The following FOXN3 variants were observed in gnomAD, a reference collection of about 807,000 sequenced individuals.
The protein encoded by FOXN3 is forkhead box N3.
In FOXN3, 7 loss-of-function variants were observed where a neutral mutation model predicts 38.4. That is an observed-to-expected ratio of 0.18 (90% confidence interval 0.10 to 0.34). The LOEUF (loss-of-function observed/expected upper bound fraction) is 0.34. Among genes scored for constraint, FOXN3 ranks in the 10% least tolerant of loss-of-function variants. The pLI, the probability that FOXN3 is intolerant of heterozygous loss-of-function variation, is 1.00. For synonymous variants in FOXN3, 230 were observed against 242.2 expected, an observed-to-expected ratio of 0.95 and a Z score of 0.47; for missense variants, 456 against 613.4, an observed-to-expected ratio of 0.74 and a Z score of 2.71.
At chr14:89,539,131 G>T (rs765327790) in intron 1 of FOXN3, among the ~76,000 whole-genome samples, 1 of 152,124 alleles carries the variant, frequency 6.6e-6, no homozygotes, top group Admixed American at 6.5e-5. Context: ...CGTGAGCCAC[G>T]TGCCTGGCCA....
chr14:89,287,354 A>ATG (rs1886660287), intron 3 of FOXN3, among the ~76,000 whole-genome samples: 1 of 151,982 alleles, frequency 6.6e-6, no homozygotes, highest in African/African-American at 2.4e-5. Flanking sequence ...CAGTTTCGCC[A>ATG]TTGGCCAGGC....
At chr14:89,350,538 T>C (rs1888928308) in intron 3 of FOXN3, 134 bp downstream of exon 3, 1 of 752,966 alleles carries the variant, frequency 1.3e-6, no homozygotes, top group East Asian at 3.1e-5. Context: ...CTCCTAATAA[T>C]ACTTAATTTC....
chr14:89,196,666 C>T (rs1010461969), intron 4 of FOXN3, among the ~76,000 whole-genome samples: 4 of 152,316 alleles, frequency 2.6e-5, no homozygotes, highest in African/African-American at 9.6e-5. Context: ...GGAGAATACA[C>T]TATTGCCTCC....
chr14:89,249,635 C>T (rs17094635), intron 4 of FOXN3, among the ~76,000 whole-genome samples: 5,766 of 152,262 alleles, frequency 0.038, 334 homozygotes, highest in African/African-American at 0.13. Context: ...ACCTATGATA[C>T]GCCAGGGACT....
At chr14:89,258,866 C>G (rs1185218395) in intron 4 of FOXN3, among the ~76,000 whole-genome samples, 2 of 152,158 alleles carry the variant, frequency 1.3e-5, no homozygotes, top group African/African-American at 4.8e-5. Flanking sequence ...TCGTCCACAC[C>G]CTCTTTCCTT....
At chr14:89,525,898 A>C (rs1351614383) in intron 1 of FOXN3, among the ~76,000 whole-genome samples, 1 of 152,196 alleles carries the variant, frequency 6.6e-6, no homozygotes, top group Non-Finnish European at 1.5e-5. Context: ...CAAATCCAAT[A>C]ATAAAGGTAA....
chr14:89,615,431 C>T (rs558476507), intron 1 of FOXN3, among the ~76,000 whole-genome samples: 29 of 152,246 alleles, frequency 1.9e-4, no homozygotes, highest in African/African-American at 6.5e-4. Context: ...GGTTGTACCA[C>T]GATCAATTTT....
intron 4 of FOXN3, among the ~76,000 whole-genome samples, chr14:89,186,550 G>A (rs949170606): frequency 1.3e-5 from 2 of 152,108 alleles, no homozygotes; most frequent in African/African-American, 4.8e-5. Context: ...GGTGGAGAGG[G>A]TGGGGTAGGC....
At chr14:89,337,122 C>T (rs1888484683) in intron 3 of FOXN3, among the ~76,000 whole-genome samples, 1 of 152,106 alleles carries the variant, frequency 6.6e-6, no homozygotes, top group Non-Finnish European at 1.5e-5. Flanking sequence ...CGCCAGAATG[C>T]CTCCAGAAAA....
intron 2 of FOXN3, among the ~76,000 whole-genome samples, chr14:89,355,863 C>A (rs369055142): frequency 2.0e-5 from 3 of 152,046 alleles, no homozygotes; most frequent in African/African-American, 7.2e-5. Context: ...AGAAAGCCCC[C>A]TATTAGCAAC....
At chr14:89,448,225 T>C (rs1892547804) in intron 1 of FOXN3, among the ~76,000 whole-genome samples, 1 of 152,202 alleles carries the variant, frequency 6.6e-6, no homozygotes, top group African/African-American at 2.4e-5. Flanking sequence ...ATCAGCTAAA[T>C]AAATTCCAAA....
chr14:89,372,100 T>A (rs148964401), intron 2 of FOXN3, among the ~76,000 whole-genome samples: 6 of 152,144 alleles, frequency 3.9e-5, no homozygotes, highest in African/African-American at 1.4e-4. Flanking sequence ...AAAAACGGAA[T>A]TGATTATCCC....
chr14:89,260,267 G>C (rs951396143), intron 4 of FOXN3, among the ~76,000 whole-genome samples: 14 of 152,196 alleles, frequency 9.2e-5, no homozygotes, highest in African/African-American at 3.4e-4. Context: ...GATCAACAAG[G>C]TCATAATCTG....
chr14:89,408,674 G>A (rs1343543419), intron 2 of FOXN3, among the ~76,000 whole-genome samples: 1 of 151,206 alleles, frequency 6.6e-6, no homozygotes, highest in African/African-American at 2.4e-5. Flanking sequence ...GGATCACACA[G>A]GATTCCACAT....
intron 1 of FOXN3, among the ~76,000 whole-genome samples, chr14:89,524,915 G>A (rs900729234): frequency 4.6e-5 from 7 of 152,050 alleles, no homozygotes; most frequent in Admixed American, 1.3e-4. Context: ...CCATACTGAC[G>A]CTTTGACTGA....
At chr14:89,186,378 A>G (rs1346553066) in intron 4 of FOXN3, among the ~76,000 whole-genome samples, 2 of 152,032 alleles carry the variant, frequency 1.3e-5, no homozygotes, top group African/African-American at 4.8e-5. Context: ...ACCAGGGATT[A>G]TATAAGCCTT....
intron 4 of FOXN3, among the ~76,000 whole-genome samples, chr14:89,257,363 C>T (rs1885656468): frequency 6.6e-6 from 1 of 152,188 alleles, no homozygotes; most frequent in Non-Finnish European, 1.5e-5. Flanking sequence ...AAGAGAGGTT[C>T]AAATTAGAGA....
At chr14:89,243,923 G>A (rs779114867) in intron 4 of FOXN3, among the ~76,000 whole-genome samples, 2 of 152,100 alleles carry the variant, frequency 1.3e-5, no homozygotes, top group African/African-American at 2.4e-5. Flanking sequence ...TCACATAAGG[G>A]CTCCCCTAAG....
chr14:89,226,006 T>C (rs1174617988), intron 4 of FOXN3, among the ~76,000 whole-genome samples: 1 of 151,286 alleles, frequency 6.6e-6, no homozygotes, highest in Non-Finnish European at 1.5e-5. Context: ...GGTTTATCCC[T>C]GACCAATTTT....
Sources: allele counts gnomAD v4.1 joint callset (sites outside exome capture counted in the v4.1 genomes callset), GRCh38; gene constraint gnomAD v4.1.1; transcripts MANE v1.5; gene names NCBI Gene and HGNC (gene_info 2026-07-23, HGNC 2026-07-21).